PUDP: variants seen among roughly 807,000 people sequenced by gnomAD.
The protein encoded by PUDP is pseudouridine-5'-phosphatase.
A neutral mutation model predicts 9.4 loss-of-function variants in PUDP; 8 were observed. The ratio of observed to expected loss-of-function variants is 0.85; its 90% CI spans 0.50 to 1.53. PUDP has a LOEUF of 1.53. Among genes scored for constraint, PUDP ranks in the 40% most tolerant of loss-of-function variants. PUDP has a pLI of 0.00. For missense variants in PUDP, 188 were observed against 189.7 expected, an observed-to-expected ratio of 0.99 and a Z score of 0.05; for synonymous variants, 99 against 80.7, an observed-to-expected ratio of 1.23 and a Z score of -1.22.
intron 3 of PUDP, among the ~76,000 whole-genome samples, chrX:6,875,228 C>T (rs1927234730): frequency 9.1e-6 from 1 of 110,435 alleles, no homozygotes; most frequent in African/African-American, 3.3e-5. Flanking sequence ...GCCAACAGGC[C>T]TGGCTAATTT....
intron 1 of PUDP, among the ~76,000 whole-genome samples, chrX:7,035,862 C>T (rs757878414): frequency 8.9e-6 from 1 of 111,761 alleles, no homozygotes; most frequent in Admixed American, 9.5e-5. Context: ...CTAATAGAAG[C>T]TGTTTGGGTC....
intron 3 of PUDP, among the ~76,000 whole-genome samples, chrX:6,795,925 G>A (rs1269299553): frequency 1.8e-5 from 2 of 111,944 alleles, no homozygotes; most frequent in Admixed American, 9.5e-5. Context: ...CCCCTCATGG[G>A]TGACTCTTCT....
At chrX:6,969,141 G>A (rs988320572) in intron 3 of PUDP, among the ~76,000 whole-genome samples, 2 of 112,728 alleles carry the variant, frequency 1.8e-5, no homozygotes, top group African/African-American at 3.2e-5. Flanking sequence ...CAGAGTGTAT[G>A]TGAGCACGGT....
chrX:6,981,006 T>A (rs762515319), intron 1 of PUDP, among the ~76,000 whole-genome samples: 4 of 111,406 alleles, frequency 3.6e-5, no homozygotes, highest in African/African-American at 9.8e-5. Flanking sequence ...GAAAAACAGA[T>A]GCTGTGTGAT....
At chrX:6,940,745 A>G (rs57300432) in intron 3 of PUDP, among the ~76,000 whole-genome samples, 3,295 of 111,390 alleles carry the variant, frequency 0.03, 62 homozygotes, top group African/African-American at 0.068. Context: ...TTGTTTACAA[A>G]CTATCTGGGT....
intron 1 of PUDP, among the ~76,000 whole-genome samples, chrX:6,986,406 A>C (rs1210941374): frequency 1.8e-5 from 2 of 111,442 alleles, no homozygotes; most frequent in Non-Finnish European, 3.8e-5. Flanking sequence ...TTTGGAGTGC[A>C]CCTACCACCT....
chrX:6,810,029 G>A (rs1312913018), intron 3 of PUDP, among the ~76,000 whole-genome samples: 1 of 110,288 alleles, frequency 9.1e-6, no homozygotes, highest in Admixed American at 9.7e-5. Flanking sequence ...ACAGTGAGTC[G>A]TGGTGGTGCC....
chrX:6,904,114 G>C (rs1269428007), intron 3 of PUDP, among the ~76,000 whole-genome samples: 1 of 108,983 alleles, frequency 9.2e-6, no homozygotes, highest in Non-Finnish European at 1.9e-5. Flanking sequence ...ACCGTGCCCA[G>C]CTAATTGCTG....
chrX:7,092,225 G>A (rs1261250579), intron 2 of PUDP, among the ~76,000 whole-genome samples: 2 of 112,710 alleles, frequency 1.8e-5, no homozygotes, highest in Non-Finnish European at 3.7e-5. Context: ...TATAAAGATT[G>A]GGAAAGAGTT....
intron 3 of PUDP, among the ~76,000 whole-genome samples, chrX:6,758,806 C>T (rs1426780099): frequency 9.0e-6 from 1 of 111,359 alleles, no homozygotes; most frequent in Non-Finnish European, 1.9e-5. Flanking sequence ...AGAGACCTGC[C>T]TCATCAACGT....
At chrX:6,741,846 CTTTCTT>C (rs1222593264) in intron 3 of PUDP, among the ~76,000 whole-genome samples, 38 of 100,991 alleles carry the variant, frequency 3.8e-4, no homozygotes, top group African/African-American at 1.5e-3. Context: ...TTCTTTCTTT[CTTTCTT>C]TTTCTTTCTT....
intron 1 of PUDP, among the ~76,000 whole-genome samples, chrX:7,143,909 AT>A (rs1458989628): frequency 9.0e-6 from 1 of 111,234 alleles, no homozygotes; most frequent in Non-Finnish European, 1.9e-5. Flanking sequence ...GAGAACCTAC[AT>A]TTCACCTAGC....
intron 3 of PUDP, among the ~76,000 whole-genome samples, chrX:6,815,908 C>T (rs925260212): frequency 1.9e-4 from 21 of 108,387 alleles, no homozygotes; most frequent in Non-Finnish European, 1.5e-4. Flanking sequence ...AAACCTTCCT[C>T]GCCATTTAAA....
chrX:6,778,744 G>C (rs1925508678), intron 3 of PUDP, among the ~76,000 whole-genome samples: 1 of 112,287 alleles, frequency 8.9e-6, no homozygotes, highest in South Asian at 3.7e-4. Context: ...GAGATAGAGA[G>C]AGAAAGACCA....
At chrX:6,715,759 G>A (rs1361469597) in intron 1 of PUDP, among the ~76,000 whole-genome samples, 1 of 111,650 alleles carries the variant, frequency 9.0e-6, no homozygotes, top group Non-Finnish European at 1.9e-5. Context: ...GATTAGGTAC[G>A]TAGCAGCCCT....
chrX:7,098,713 G>A (rs1444432767), intron 2 of PUDP, among the ~76,000 whole-genome samples: 1 of 111,250 alleles, frequency 9.0e-6, no homozygotes, highest in African/African-American at 3.3e-5. Context: ...GGGAGCTCTG[G>A]CACCCATCCA....
intron 2 of PUDP, 50 bp from the exon 3 acceptor site, chrX:7,077,499 A>G (rs1015422980): frequency 3.0e-5 from 29 of 978,446 alleles, no homozygotes; most frequent in Non-Finnish European, 1.3e-5. Context: ...CCTCCACCAT[A>G]AGACCTTCTT....
intron 3 of PUDP, among the ~76,000 whole-genome samples, chrX:6,906,727 T>TAAAAC (rs770070082): frequency 9.0e-6 from 1 of 111,407 alleles, no homozygotes; most frequent in Non-Finnish European, 1.9e-5. Flanking sequence ...GGGGGAAAAG[T>TAAAAC]AAAACAAAAC....
Position 7,137,267 on chromosome X carries a change from G to A in PUDP, c.61+10786C>T, listed in dbSNP as rs770908108. Among the ~76,000 whole-genome samples, 11 of 106,120 alleles carry A rather than the reference G, an allele frequency of 1.0e-4. No homozygotes were observed. In the East Asian group the frequency reaches 2.8e-3, roughly 27 times the overall value. 92.2% of individuals were successfully genotyped at this position (106,120 alleles called of 115,157 possible). A position where few individuals can be genotyped will look rare whatever the true frequency, so the allele number is the denominator to read the frequency against. ...AAAAAAAAAAAATAAAACTAAGGCC[G>A]GGTGTGGTGGTTCACCTGTAATCCC... On this transcript the variant is annotated intron_variant, in intron 1 of 3. Transcript: ENST00000381077.
Sources: allele counts gnomAD v4.1 joint callset (sites outside exome capture counted in the v4.1 genomes callset), GRCh38; gene constraint gnomAD v4.1.1; transcripts MANE v1.5; gene names NCBI Gene and HGNC (gene_info 2026-07-23, HGNC 2026-07-21).